The following PTGER3 variants were observed in gnomAD, a reference collection of about 807,000 sequenced individuals.
PTGER3 encodes the protein prostaglandin E receptor 3.
PTGER3 carries 22 observed loss-of-function variants against 34.7 expected under a neutral mutation model. The observed-to-expected ratio is 0.63, with a 90% CI of 0.45 to 0.91. PTGER3 has a LOEUF of 0.91. Ranked by LOEUF, PTGER3 falls within the 40% of genes least tolerant of loss-of-function variation. The pLI is 0.00. For missense variants in PTGER3, 468 were observed against 519.4 expected (o/e 0.90, Z 0.96); for synonymous variants, 241 against 230.1 (o/e 1.05, Z -0.43).
At chr1:70,947,290 A>T (rs1650309463) in intron 4 of PTGER3, 1 of 152,148 alleles carries the variant, frequency 6.6e-6, no homozygotes, top group Admixed American at 6.6e-5. Context: ...AGTGGGAGGT[A>T]AATGAATCAT....
chr1:71,028,964 G>C (rs987412883), intron 1 of PTGER3, among the ~76,000 whole-genome samples: 1 of 152,102 alleles, frequency 6.6e-6, no homozygotes, highest in Non-Finnish European at 1.5e-5. Flanking sequence ...AAAAAGATTT[G>C]AGTTTGATTC....
In PTGER3 at chr1:70,983,817, C is replaced by T. The variant is rs74087136; in HGVS notation, c.1078-9429G>A. Among the ~76,000 whole-genome samples, 291 of 152,196 alleles carry T rather than the reference C, an allele frequency of 1.9e-3. 5 individuals are homozygous for T. The highest frequency in any genetic ancestry group is 6.7e-3 in the African/African-American group (278 of 41,512). On this transcript the variant is annotated intron_variant, in intron 2 of 3. Transcript: ENST00000306666. ...CTTCCCTGAACTATCTTTGTCACTT[C>T]CTGATTCATTGAATTTGGTCAGTTT...
intron 4 of PTGER3, among the ~76,000 whole-genome samples, chr1:70,915,981 T>C (rs933504898): frequency 6.6e-5 from 10 of 151,938 alleles, no homozygotes; most frequent in Non-Finnish European, 1.3e-4. Context: ...ATTTGCAAAC[T>C]GTACATCTAA....
At chr1:70,928,780 T>G (rs534059166) in intron 4 of PTGER3, among the ~76,000 whole-genome samples, 12 of 152,056 alleles carry the variant, frequency 7.9e-5, no homozygotes, top group Non-Finnish European at 1.5e-4. Context: ...TTACTGATAA[T>G]TATAATTTAA....
intron 4 of PTGER3, chr1:70,869,246 T>G: frequency 2.1e-6 from 1 of 470,616 alleles, no homozygotes; most frequent in Non-Finnish European, 4.4e-6. Context: ...TCACTCACTA[T>G]CATGAGAACT....
At chr1:70,865,869 G>T (rs377279805) in intron 4 of PTGER3, 3 of 1,277,732 alleles carry the variant, frequency 2.3e-6, no homozygotes, top group African/African-American at 3.1e-5. Context: ...GACTAGAGAG[G>T]CAGGAAGACA....
chr1:70,865,736 G>A (rs1418562074), intron 4 of PTGER3: 4 of 1,366,262 alleles, frequency 2.9e-6, no homozygotes, highest in African/African-American at 3.0e-5. Context: ...TGGATGTGAT[G>A]AAGACATGGC....
intron 4 of PTGER3, among the ~76,000 whole-genome samples, chr1:70,912,996 T>G (rs973906226): frequency 3.3e-5 from 5 of 152,022 alleles, no homozygotes; most frequent in African/African-American, 9.6e-5. Flanking sequence ...TTTTGACATT[T>G]TCTTATGAAT....
chr1:71,013,781 G>A (rs1657656279), intron 1 of PTGER3, among the ~76,000 whole-genome samples: 1 of 151,250 alleles, frequency 6.6e-6, no homozygotes, highest in African/African-American at 2.4e-5. Context: ...GGAATATACT[G>A]TCCAGAATTC....
exon 5 of PTGER3, chr1:70,852,668 A>C: frequency 2.6e-6 from 2 of 773,910 alleles, no homozygotes; most frequent in Non-Finnish European, 4.4e-6. Flanking sequence ...AAAAACATGT[A>C]TGGAAACAGG....
intron 4 of PTGER3, among the ~76,000 whole-genome samples, chr1:70,866,713 C>A (rs1024280662): frequency 6.6e-6 from 1 of 152,142 alleles, no homozygotes; most frequent in Non-Finnish European, 1.5e-5. Context: ...AACAGGCCAC[C>A]ATCAGAGGGC....
intron 1 of PTGER3, among the ~76,000 whole-genome samples, chr1:71,026,098 C>T (rs2100925675): frequency 6.6e-6 from 1 of 152,268 alleles, no homozygotes; most frequent in East Asian, 1.9e-4. Context: ...CCAGGTTAGG[C>T]TTGTACTCAG....
chr1:70,923,083 A>G (rs1401129559), intron 4 of PTGER3, among the ~76,000 whole-genome samples: 1 of 152,148 alleles, frequency 6.6e-6, no homozygotes, highest in East Asian at 1.9e-4. Flanking sequence ...ATTTGTCTAT[A>G]AGGTTTTATT....
chr1:70,979,428 T>A lies in PTGER3; in HGVS notation c.1078-5040A>T, dbSNP rs559403552. ...AAAAAGATTGCTTTCATAAAAAAAT[T>A]AATTGTTATTCTGTACAGAGAATAC... On this transcript the variant is annotated intron_variant, in intron 2 of 3. Transcript: ENST00000306666. Among the ~76,000 whole-genome samples the A allele has an allele frequency of 1.8e-3, 279 of 152,126 alleles. 4 individuals carry two copies. Among genetic ancestry groups the A allele is most frequent in the African/African-American group, 6.3e-3 (260 of 41,486 alleles).
intron 4 of PTGER3, among the ~76,000 whole-genome samples, chr1:70,911,129 A>C (rs552024010): frequency 6.6e-6 from 1 of 151,840 alleles, no homozygotes; most frequent in South Asian, 2.1e-4. Context: ...ACACATACAC[A>C]TGAATGATGT....
intron 4 of PTGER3, among the ~76,000 whole-genome samples, chr1:70,869,735 G>A (rs1474802200): frequency 1.3e-5 from 2 of 152,166 alleles, no homozygotes; most frequent in Non-Finnish European, 2.9e-5. Context: ...AGTCTCATTT[G>A]ACTCCATGCC....
chr1:70,865,759 A>G, intron 4 of PTGER3: 1 of 1,367,364 alleles, frequency 7.3e-7, no homozygotes, highest in East Asian at 4.6e-5. Flanking sequence ...GAAAGGACAA[A>G]TCCAAGAACC....
intron 2 of PTGER3, among the ~76,000 whole-genome samples, chr1:70,987,487 A>G (rs182544230): frequency 6.6e-6 from 1 of 152,336 alleles, no homozygotes; most frequent in East Asian, 1.9e-4. Context: ...GGATTAAATA[A>G]AAGACTATAA....
chr1:70,932,083 T>C lies in PTGER3; in HGVS notation c.*23+21680A>G, dbSNP rs141535884. Among the ~76,000 whole-genome samples, 18 of 152,248 alleles carry C rather than the reference T, an allele frequency of 1.2e-4. 1 individual carries two copies. The East Asian group carries it at 3.3e-3, about 28-fold the overall frequency. ...CTTCCACCAGATACCTTTAATCATC[T>C]CTCTCAAGTTCAAAGTTCCACAAAT... On this transcript the variant is annotated intron_variant, in intron 4 of 4. Transcript: ENST00000370931.
Sources: allele counts gnomAD v4.1 joint callset (sites outside exome capture counted in the v4.1 genomes callset), GRCh38; gene constraint gnomAD v4.1.1; transcripts MANE v1.5; gene names NCBI Gene and HGNC (gene_info 2026-07-23, HGNC 2026-07-21).